CNGA4: variants seen among roughly 807,000 people sequenced by gnomAD.
CNGA4 encodes cyclic nucleotide gated channel subunit alpha 4.
CNGA4 carries 32 observed loss-of-function variants against 45.6 expected under a neutral mutation model. That is an observed-to-expected ratio of 0.70 (90% CI 0.53 to 0.94). The LOEUF (loss-of-function observed/expected upper bound fraction) is 0.94. Ranked by LOEUF, CNGA4 falls within the 40% of genes least tolerant of loss-of-function variation. The pLI is 0.00. For missense variants in CNGA4, 726 were observed against 755.1 expected (o/e 0.96, Z 0.45); for synonymous variants, 293 against 304.6 (o/e 0.96, Z 0.40).
intron 5 of CNGA4, 196 bp downstream of exon 5, chr11:6,241,976 A>C: frequency 1.7e-6 from 1 of 603,192 alleles, no homozygotes; most frequent in Non-Finnish European, 2.9e-6. Context: ...AGCTGAGCCA[A>C]GGCCAGTGAA....
At chr11:6,243,633 T>C (rs1378902801) in intron 5 of CNGA4, among the ~76,000 whole-genome samples, 1 of 152,186 alleles carries the variant, frequency 6.6e-6, no homozygotes, top group Non-Finnish European at 1.5e-5. Context: ...TTCCCTGCCT[T>C]ACGGTTTGGT....
chr11:6,241,619 A>C lies in CNGA4; in HGVS notation c.1106A>C (p.Tyr369Ser). Reference protein sequence around the residue: ...ELVLKLQPQTYSPGEYVCRKG... With the variant: ...ELVLKLQPQTSSPGEYVCRKG... ...GTGCTGAAGCTGCAGCCCCAGACCT[A>C]CTCACCAGGTGAATATGTATGCCGC... Residue 369 changes from tyrosine (Y) to serine (S), a missense_variant, in exon 5 of 6, where the codon TAC becomes TCC. By Grantham distance (144) the Tyr-to-Ser change is moderately radical. Coordinates refer to ENST00000379936, the MANE Select transcript of CNGA4 (RefSeq NM_001037329.4). The C allele has an allele frequency of 6.2e-7, 1 of 1,614,166 alleles. No individual in the cohort carries two copies. The highest frequency in any genetic ancestry group is 8.5e-7 in the Non-Finnish European group (1 of 1,180,036).
chr11:6,244,585 T>TAG (rs1372199550), downstream of CNGA4, among the ~76,000 whole-genome samples: 1 of 141,828 alleles, frequency 7.1e-6, no homozygotes, highest in Non-Finnish European at 1.5e-5. This position sits in a 1 kb window ranked among gnomAD's most constrained non-coding sequence, Gnocchi z 4.5. Context: ...CACTTACCAG[T>TAG]ACACACACAC....
Position 6,244,381 on chromosome 11 carries a change from G to A in CNGA4, c.1700G>A (p.Ser567Asn). 6.2e-7 allele frequency: 1 copy of A among 1,613,110 alleles called. No homozygotes were observed. The highest frequency in any genetic ancestry group is 8.5e-7 in the Non-Finnish European group (1 of 1,179,580). ...TCCAAAGATGAAGAGGGCAGGGCCA[G>A]CCAGGAGGGACCCCCAGGTCCAGAG... ...GTSKDEEGRA[S>N]QEGPPGPE The change falls in exon 6 of 6, where the codon AGC (serine) becomes AAC (asparagine). Residue 567 changes from serine (S) to asparagine (N), a missense_variant. By Grantham distance (46) the Ser-to-Asn change is conservative (BLOSUM62 1). Transcript: ENST00000379936. This position sits in a 1 kb window ranked among gnomAD's most constrained non-coding sequence, Gnocchi z 4.5.
chr11:6,242,773 T>A (rs1590654657), intron 5 of CNGA4, among the ~76,000 whole-genome samples: 2 of 152,214 alleles, frequency 1.3e-5, no homozygotes, highest in East Asian at 3.9e-4. Flanking sequence ...GTGCTTGGCA[T>A]ACAGCAAGTG....
upstream of CNGA4, among the ~76,000 whole-genome samples, chr11:6,238,606 G>A (rs1201866016): frequency 6.6e-6 from 1 of 152,162 alleles, no homozygotes; most frequent in Non-Finnish European, 1.5e-5. Flanking sequence ...CTATGAGAAT[G>A]GTGTGATGGG....
chr11:6,239,286 C>G lies in CNGA4; in HGVS notation c.62+18C>G, dbSNP rs934678854. The G allele has an allele frequency of 6.2e-7, 1 of 1,613,650 alleles. No individual in the cohort carries two copies. The highest frequency in any genetic ancestry group is 1.7e-5 in the Admixed American group (1 of 60,008). The stretch of plus-strand genomic sequence containing the variant: ...AAGGCCAGGTGAGAAGTCCTGGTCC[C>G]TTGTGTGGGATCTCTCCTCATTCCT... On this transcript the variant is annotated intron_variant, in intron 1 of 5. Transcript: ENST00000379936.
upstream of CNGA4, among the ~76,000 whole-genome samples, chr11:6,238,484 T>C (rs999418981): frequency 1.3e-5 from 2 of 152,148 alleles, no homozygotes; most frequent in Admixed American, 1.3e-4. Flanking sequence ...AAGAGAAAAG[T>C]TGAAAGATTG....
intron 2 of CNGA4, 68 bp downstream of exon 2, chr11:6,239,553 G>A (rs1847880093): frequency 6.3e-7 from 1 of 1,578,176 alleles, no homozygotes; most frequent in Non-Finnish European, 8.7e-7. Context: ...CAAGGAGAAG[G>A]GCAGACCCTT....
chr11:6,243,950 G>A lies in CNGA4; in HGVS notation c.1269G>A (p.Gly423=), dbSNP rs751671419. The A allele has an allele frequency of 1.1e-5, 18 of 1,612,100 alleles. No individual in the cohort carries two copies. The highest frequency in any genetic ancestry group is 1.4e-5 in the Non-Finnish European group (16 of 1,179,080). ...FGEISIINIK[G]NMSGNRRTAN... is the part of the protein sequence containing the mutation. ...CCCATCTCTGCCCATGAGCCACAGG[G>A]AACATGTCTGGGAACCGCCGCACAG... The change falls in exon 6 of 6, where the codon GGG becomes GGA. Residue 423 remains glycine, a splice_region_variant and synonymous_variant. Coordinates refer to ENST00000379936, the MANE Select transcript of CNGA4 (RefSeq NM_001037329.4).
rs1847883245 is a variant in CNGA4, at chr11:6,239,721, G to T, written c.202G>T (p.Ala68Ser). 1.2e-6 allele frequency: 2 copies of T among 1,614,038 alleles called. No homozygotes were observed. Among genetic ancestry groups the T allele is most frequent in the African/African-American group, 1.3e-5 (1 of 74,910 alleles). The change falls in exon 3 of 6, where the codon GCC (alanine) becomes TCC (serine). Residue 68 changes from alanine to serine, a missense_variant. Ala to Ser is a moderately conservative substitution (Grantham distance 99). Coordinates refer to ENST00000379936, the MANE Select transcript of CNGA4 (RefSeq NM_001037329.4). Reference sequence around the variant, plus strand: ...CGACTTGCAGCACGGTTATCTGGTGGCCTGGTTGGTGCTGGACTACACGAG... The same window carrying T: ...CGACTTGCAGCACGGTTATCTGGTGTCCTGGTTGGTGCTGGACTACACGAG... The part of the protein sequence containing the change: ...FPDLQHGYLV[A>S]WLVLDYTSDL...
In CNGA4 at chr11:6,240,697, G is replaced by C. The variant is rs764343588; in HGVS notation, c.903G>C (p.Arg301=). 1 of 1,612,890 alleles carries C rather than the reference G, an allele frequency of 6.2e-7. No individual in the cohort carries two copies. Among genetic ancestry groups the C allele is most frequent in the South Asian group, 1.1e-5 (1 of 91,060 alleles). The change falls in exon 4 of 6, where the codon CGG becomes CGC. Residue 301 remains arginine, a synonymous_variant. Coordinates refer to ENST00000379936, the MANE Select transcript of CNGA4 (RefSeq NM_001037329.4). This position sits in a 1 kb window ranked among gnomAD's most constrained non-coding sequence, Gnocchi z 4.9. ...KLQHVNRKLE[R]RVIDWYQHLQ... is the part of the protein sequence containing the mutation. ...AGCACGTCAACCGCAAGCTGGAGCG[G>C]CGAGTTATTGACTGGTGAGAAGGCG...
Position 6,244,161 on chromosome 11 carries a change from G to C in CNGA4, c.1480G>C (p.Glu494Gln). 6.2e-7 allele frequency: 1 copy of C among 1,614,228 alleles called. No homozygotes were observed. Among genetic ancestry groups the C allele is most frequent in the Non-Finnish European group, 8.5e-7 (1 of 1,180,052 alleles). ...AAEIALQEAT[E>Q]SRLRGLDQQL... ...TGAGATCGCCCTGCAGGAGGCCACAGAGTCCCGGCTACGAGGCCTAGACCA... is the reference window on the plus strand; with the variant it reads ...TGAGATCGCCCTGCAGGAGGCCACACAGTCCCGGCTACGAGGCCTAGACCA... The change falls in exon 6 of 6, where the codon GAG becomes CAG. Residue 494 changes from glutamate to glutamine, a missense_variant. Glu to Gln is a conservative substitution (Grantham distance 29). Coordinates refer to ENST00000379936, the MANE Select transcript of CNGA4 (RefSeq NM_001037329.4). This position sits in a 1 kb window ranked among gnomAD's most constrained non-coding sequence, Gnocchi z 4.5.
upstream of CNGA4, among the ~76,000 whole-genome samples, chr11:6,235,181 G>C (rs1038645444): frequency 7.2e-5 from 11 of 152,182 alleles, no homozygotes; most frequent in South Asian, 2.1e-4. Flanking sequence ...CCGGGCCTGC[G>C]GAAAAGTGGA....
intron 5 of CNGA4, among the ~76,000 whole-genome samples, chr11:6,243,203 T>A (rs896291931): frequency 6.6e-6 from 1 of 152,228 alleles, no homozygotes; most frequent in Non-Finnish European, 1.5e-5. Context: ...TATGAGACTG[T>A]TCTTGCATTT....
chr11:6,238,978 A>G (rs957061449), upstream of CNGA4: 2 of 1,337,674 alleles, frequency 1.5e-6, no homozygotes, highest in African/African-American at 1.5e-5. Flanking sequence ...GGGCAGGTGT[A>G]AGCCCAGGCC....
chr11:6,239,231 A>T lies in CNGA4; in HGVS notation c.25A>T (p.Thr9Ser), dbSNP rs772966475. ...CATGAGCCAGGACACCAAAGTGAAGACAACAGAGTCCAGTCCCCCAGCCCC... is the reference window on the plus strand; with the variant it reads ...CATGAGCCAGGACACCAAAGTGAAGTCAACAGAGTCCAGTCCCCCAGCCCC... The part of the protein sequence containing the change: MSQDTKVK[T>S]TESSPPAPSK... Residue 9 changes from threonine (T) to serine (S), a missense_variant, in exon 1 of 6, where the codon ACA (threonine) becomes TCA (serine). Physicochemically the swap from Thr to Ser is moderately conservative, Grantham distance 58 (BLOSUM62 1). Coordinates refer to ENST00000379936, the MANE Select transcript of CNGA4 (RefSeq NM_001037329.4). 3 of 1,613,870 alleles carry T rather than the reference A, an allele frequency of 1.9e-6. No homozygotes were observed. Among genetic ancestry groups the T allele is most frequent in the African/African-American group, 2.7e-5 (2 of 74,930 alleles).
At position 6,241,849 on chromosome 11, in the gene CNGA4, C is replaced by G. The variant is rs564562280; in HGVS notation, c.1267+69C>G. ...TAGGGGGGAACAGCAGAGCCCAGTGCTGGGACCAGATAGTACTTCAGGCCT... is the reference window on the plus strand; with the variant it reads ...TAGGGGGGAACAGCAGAGCCCAGTGGTGGGACCAGATAGTACTTCAGGCCT... On this transcript the variant is annotated intron_variant, in intron 5 of 5. Transcript: ENST00000379936. 13 of 1,416,590 alleles carry G rather than the reference C, an allele frequency of 9.2e-6. No homozygotes were observed. The African/African-American group carries it at 1.8e-4, about 20-fold the overall frequency. 87.8% of individuals were successfully genotyped at this position (1,416,590 alleles called of 1,614,324 possible).
Position 6,239,472 on chromosome 11 carries a change from A to G in CNGA4, c.151A>G (p.Ile51Val), listed in dbSNP as rs1196896288. ...CTTCCCAGTCATGTATAACCTCATC[A>G]TCCTCGTGTGCAGGTATGGCAGCGG... ...MVFPVMYNLI[I>V]LVCRACFPDL... The change falls in exon 2 of 6, where the codon ATC (isoleucine) becomes GTC (valine). Residue 51 changes from isoleucine to valine, a missense_variant. By Grantham distance (29) the Ile-to-Val change is conservative. Coordinates refer to ENST00000379936, the MANE Select transcript of CNGA4 (RefSeq NM_001037329.4). 1 of 1,614,188 alleles carries G rather than the reference A, an allele frequency of 6.2e-7. No individual in the cohort carries two copies. The highest frequency in any genetic ancestry group is 1.3e-5 in the African/African-American group (1 of 75,052).
Sources: gnomAD v4.1 joint callset for allele counts (sites outside exome capture counted in the v4.1 genomes callset) on GRCh38, gnomAD v4.1.1 for gene constraint, Gnocchi (gnomAD v3.1) non-coding constraint, MANE v1.5 for transcripts, NCBI Gene and HGNC (gene_info 2026-07-23, HGNC 2026-07-21) for gene names.